Variants in AGAP2 observed in about 807,000 individuals in gnomAD.
The protein encoded by AGAP2 is arf-GAP with GTPase, ANK repeat and PH domain-containing protein 2.
A neutral mutation model predicts 110.9 loss-of-function variants in AGAP2; 32 were observed. The observed-to-expected ratio is 0.29, with a 90% CI of 0.22 to 0.39. AGAP2 has a LOEUF of 0.39. AGAP2 is among the 10% of genes least tolerant of loss of function. The pLI, the probability that AGAP2 is intolerant of heterozygous loss-of-function variation, is 1.00. For missense variants in AGAP2, 1,285 were observed against 1,638.5 expected (o/e 0.78, Z 3.72); for synonymous variants, 702 against 713.0 (o/e 0.98, Z 0.25).
chr12:57,742,051 G>A, upstream of AGAP2: 10 of 1,614,092 alleles, frequency 6.2e-6, no homozygotes, highest in South Asian at 4.4e-5. Flanking sequence ...CAGCTACAAC[G>A]AACTGCCTCT....
chr12:57,734,124 T>C lies in AGAP2; in HGVS notation c.1451A>G (p.Glu484Gly), dbSNP rs764799641. 1.9e-6 allele frequency: 3 copies of C among 1,613,492 alleles called. No homozygotes were observed. Among genetic ancestry groups the C allele is most frequent in the Non-Finnish European group, 1.7e-6 (2 of 1,179,664 alleles). Residue 484 changes from glutamate (E) to glycine (G), a missense_variant, in exon 5 of 19, where the codon GAG becomes GGG. Coordinates refer to ENST00000547588, the MANE Select transcript of AGAP2 (RefSeq NM_001122772.3). ...ACGGCTCACAGCCTGGAAACTGTTC[T>C]CATCCTCCAGGCTGAAGACGAAGAT... ...AVIFVFSLEDENSFQAVSRLH... is the reference protein window; with the variant it reads ...AVIFVFSLEDGNSFQAVSRLH...
At chr12:57,735,525 C>T in intron 1 of AGAP2, 98 bp from the exon 2 acceptor site, 10 of 1,160,370 alleles carry the variant, frequency 8.6e-6, no homozygotes, top group Middle Eastern at 5.5e-4. Context: ...TCCAACCCCC[C>T]CCCAACCCTG....
At position 57,737,104 on chromosome 12, in the gene AGAP2, C is replaced by G. The variant is rs1954996730; in HGVS notation, c.1143G>C (p.Leu381=). The G allele has an allele frequency of 5.8e-6, 9 of 1,558,328 alleles. No individual in the cohort carries two copies. Among genetic ancestry groups the G allele is most frequent in the Non-Finnish European group, 7.8e-6 (9 of 1,152,760 alleles). ...LSSGSGSREL[L]GAELRASPKA... ...TAGGGGAAGCGCGGAGCTCGGCGCC[C>G]AGCAGCTCCCTGGACCCGCTGCCAG... is the stretch of plus-strand genomic sequence containing the variant. Residue 381 remains leucine (L), a synonymous_variant, in exon 1 of 19, where the codon CTG becomes CTC. Coordinates refer to ENST00000547588, the MANE Select transcript of AGAP2 (RefSeq NM_001122772.3). This position sits in a 1 kb window ranked among gnomAD's most constrained non-coding sequence, Gnocchi z 5.9.
At chr12:57,727,615 C>T (rs1375301719) in intron 16 of AGAP2, 33 bp from the exon 17 acceptor site, 3 of 1,591,980 alleles carry the variant, frequency 1.9e-6, no homozygotes, top group East Asian at 2.3e-5. Flanking sequence ...GGCTCCCAGC[C>T]GGGCAGCACA....
chr12:57,728,586 C>T (rs1565791459), intron 13 of AGAP2, among the ~76,000 whole-genome samples: 1 of 152,058 alleles, frequency 6.6e-6, no homozygotes, highest in Non-Finnish European at 1.5e-5. Flanking sequence ...AAGCCAAGAG[C>T]CATGAGAGTA....
chr12:57,729,435 G>A (rs1954841560), intron 13 of AGAP2, among the ~76,000 whole-genome samples: 1 of 152,220 alleles, frequency 6.6e-6, no homozygotes, highest in East Asian at 1.9e-4. Context: ...CAGGGGCTGG[G>A]GAAAGGAATT....
At chr12:57,728,942 G>C (rs899173834) in intron 13 of AGAP2, among the ~76,000 whole-genome samples, 3 of 152,050 alleles carry the variant, frequency 2.0e-5, no homozygotes, top group Admixed American at 1.3e-4. Flanking sequence ...TTGGGAGGCC[G>C]AGGCGGGCAG....
chr12:57,741,924 C>A (rs1955081156), upstream of AGAP2: 1 of 1,613,924 alleles, frequency 6.2e-7, no homozygotes, highest in Non-Finnish European at 8.5e-7. Flanking sequence ...CGAATGCTGT[C>A]CAATGAGGCC....
rs1004341611 is a variant in AGAP2 at position 57,738,022 on chromosome 12, C to T, written c.225G>A (p.Ala75=). Residue 75 remains alanine (A), a synonymous_variant, in exon 1 of 19, where the codon GCG becomes GCA. Coordinates refer to ENST00000547588, the MANE Select transcript of AGAP2 (RefSeq NM_001122772.3). The surrounding 1 kb of genome is among the most constrained non-coding windows in gnomAD (Gnocchi z 6.7). ...RHERLFHRQD[A]LWISTSSAGT... Reference sequence around the variant, plus strand: ...CCGCGCTGCTCGTGCTGATCCACAGCGCATCCTGCCGGTGGAAGAGACGTT... The same window carrying T: ...CCGCGCTGCTCGTGCTGATCCACAGTGCATCCTGCCGGTGGAAGAGACGTT... The T allele has an allele frequency of 6.6e-7, 1 of 1,515,618 alleles. No individual in the cohort carries two copies. Among genetic ancestry groups the T allele is most frequent in the Non-Finnish European group, 8.8e-7 (1 of 1,137,704 alleles). 93.9% of individuals were successfully genotyped at this position (1,515,618 alleles called of 1,614,324 possible).
intron 7 of AGAP2, 24 bp from the exon 8 acceptor site, chr12:57,731,991 C>A: frequency 6.2e-7 from 1 of 1,610,724 alleles, no homozygotes; most frequent in Non-Finnish European, 8.5e-7. Flanking sequence ...GAAGAGTCAG[C>A]AGAGCTGAGA....
chr12:57,726,543 G>C lies in AGAP2; in HGVS notation c.*9C>G. 1.6e-6 allele frequency: 2 copies of C among 1,213,738 alleles called. No homozygotes were observed. Among genetic ancestry groups the C allele is most frequent in the Non-Finnish European group, 2.1e-6 (2 of 974,784 alleles). The allele number at this position is 1,213,738 out of a possible 1,614,324, so 75.2% of individuals were successfully genotyped here. On this transcript the variant is annotated 3_prime_UTR_variant, in exon 19 of 19. Coordinates refer to ENST00000547588, the MANE Select transcript of AGAP2 (RefSeq NM_001122772.3). The surrounding 1 kb of genome is among the most constrained non-coding windows in gnomAD (Gnocchi z 5.7). ...GCGTGGGGATGGGGGTGTCTCTCCC[G>C]CTGGGCAACTATACCAGCGCAACCG...
downstream of AGAP2, chr12:57,724,693 C>T (rs1252520886): frequency 1.3e-5 from 2 of 152,334 alleles, no homozygotes; most frequent in African/African-American, 2.4e-5. Context: ...ACCTAGTGCT[C>T]ACGGTGAGCA....
chr12:57,731,271 C>A, intron 10 of AGAP2, 95 bp downstream of exon 10: 1 of 1,091,798 alleles, frequency 9.2e-7, no homozygotes, highest in Non-Finnish European at 1.4e-6. Flanking sequence ...CTAGCACTTC[C>A]TAGAAATGAG....
At position 57,737,586 on chromosome 12, in the gene AGAP2, C is replaced by T. The variant is rs1381584203; in HGVS notation, c.661G>A (p.Val221Ile). 1.3e-6 allele frequency: 2 copies of T among 1,548,352 alleles called. No individual in the cohort carries two copies. The highest frequency in any genetic ancestry group is 2.7e-5 in the African/African-American group (2 of 73,044). ...SWPESEGKPRVKGSKSSAGTG... is the reference protein window; with the variant it reads ...SWPESEGKPRIKGSKSSAGTG... ...CCGGCGCTGCTCTTTGACCCCTTGA[C>T]CCTGGGCTTGCCCTCGCTTTCGGGC... is the stretch of plus-strand genomic sequence containing the variant. The change falls in exon 1 of 19, where the codon GTC becomes ATC. Residue 221 changes from valine (V) to isoleucine (I), a missense_variant. By Grantham distance (29) the Val-to-Ile change is conservative (BLOSUM62 3). Transcript: ENST00000547588. The surrounding 1 kb of genome is among the most constrained non-coding windows in gnomAD (Gnocchi z 5.9).
Position 57,734,084 on chromosome 12 carries a change from C to T in AGAP2, c.1491G>A (p.Leu497=), listed in dbSNP as rs371866147. The change falls in exon 5 of 19, where the codon CTG becomes CTA. Residue 497 remains leucine (L), a synonymous_variant. Coordinates refer to ENST00000547588, the MANE Select transcript of AGAP2 (RefSeq NM_001122772.3). ...FQAVSRLHGQ[L]SSLRGEGRGG... ...CTCGTCCCTCCCCGCGAAGGGAACT[C>T]AGCTGCCCATGGAGACGGCTCACAG... 2 of 1,613,536 alleles carry T rather than the reference C, an allele frequency of 1.2e-6. No individual in the cohort carries two copies. Among genetic ancestry groups the T allele is most frequent in the Non-Finnish European group, 8.5e-7 (1 of 1,179,810 alleles).
At chr12:57,739,031 T>A (rs912454540), upstream of AGAP2, among the ~76,000 whole-genome samples, 3 of 131,904 alleles carry the variant, frequency 2.3e-5, no homozygotes, top group Non-Finnish European at 3.2e-5. Flanking sequence ...CCAGCACCGA[T>A]GTCTGCGAGG....
At chr12:57,733,187 G>C (rs956421518) in intron 5 of AGAP2, among the ~76,000 whole-genome samples, 2 of 141,608 alleles carry the variant, frequency 1.4e-5, no homozygotes, top group Non-Finnish European at 3.1e-5. Flanking sequence ...TGGGTGAGCT[G>C]TGTGTGTGTG....
At chr12:57,728,646 A>C (rs1407868437) in intron 13 of AGAP2, among the ~76,000 whole-genome samples, 1 of 152,192 alleles carries the variant, frequency 6.6e-6, no homozygotes, top group Non-Finnish European at 1.5e-5. Context: ...CAGGGGCAGC[A>C]GGGATGGGTT....
rs1954775419 is a variant in AGAP2 at position 57,726,883 on chromosome 12, G to T, written c.3337-89C>A. The T allele has an allele frequency of 2.7e-6, 4 of 1,461,476 alleles. No homozygotes were observed. In the Admixed American group the frequency reaches 1.0e-4, roughly 37 times the overall value. The allele number at this position is 1,461,476 out of a possible 1,614,324, so 90.5% of individuals were successfully genotyped here. ...CCCCACATGGCCAAGCCTACTTCCG[G>T]GGTCCCTCTGGGAATTTCGGGCTTT... On this transcript the variant is annotated intron_variant, in intron 18 of 18. Coordinates refer to ENST00000547588, the MANE Select transcript of AGAP2 (RefSeq NM_001122772.3). This position sits in a 1 kb window ranked among gnomAD's most constrained non-coding sequence, Gnocchi z 5.7.
Sources: gnomAD v4.1 joint callset for allele counts (sites outside exome capture counted in the v4.1 genomes callset) on GRCh38, gnomAD v4.1.1 for gene constraint, Gnocchi (gnomAD v3.1) non-coding constraint, MANE v1.5 for transcripts, NCBI Gene and HGNC (gene_info 2026-07-23, HGNC 2026-07-21) for gene names.